Variants in DLGAP1 observed in about 807,000 individuals in gnomAD.
The protein encoded by DLGAP1 is disks large-associated protein 1.
In DLGAP1, 11 loss-of-function variants were observed where a neutral mutation model predicts 90.8. The ratio of observed to expected loss-of-function variants is 0.12; its 90% confidence interval spans 0.08 to 0.20. The LOEUF (loss-of-function observed/expected upper bound fraction) is 0.20. Among genes scored for constraint, DLGAP1 ranks in the 10% least tolerant of loss-of-function variants. DLGAP1 has a pLI of 1.00. For missense variants in DLGAP1, 1,050 were observed against 1,333.8 expected, an observed-to-expected ratio of 0.79 and a Z score of 3.31; for synonymous variants, 558 against 540.7, an observed-to-expected ratio of 1.03 and a Z score of -0.44.
intron 2 of DLGAP1, among the ~76,000 whole-genome samples, chr18:4,092,663 C>G (rs1353576148): frequency 6.6e-6 from 1 of 152,096 alleles, no homozygotes; most frequent in African/African-American, 2.4e-5. Context: ...CGGCTTAAGG[C>G]TTTTGTTCCA....
intron 3 of DLGAP1, among the ~76,000 whole-genome samples, chr18:3,945,485 C>T (rs991232759): frequency 2.6e-5 from 4 of 151,934 alleles, no homozygotes; most frequent in African/African-American, 9.7e-5. Flanking sequence ...TTGAGTGGTA[C>T]GATTGGTTCT....
intron 1 of DLGAP1, among the ~76,000 whole-genome samples, chr18:4,429,019 T>C (rs1232313594): frequency 6.6e-6 from 1 of 152,194 alleles, no homozygotes; most frequent in Admixed American, 6.5e-5. Context: ...AGGGCATTTG[T>C]CAACCAAGGA....
Position 4,131,198 on chromosome 18 carries a change from G to A in DLGAP1, c.-159+19982C>T, listed in dbSNP as rs547857051. Among the ~76,000 whole-genome samples, 5 of 150,034 alleles carry A rather than the reference G, an allele frequency of 3.3e-5. No homozygotes were observed. In the East Asian group the frequency reaches 5.8e-4, roughly 18 times the overall value. ...TGAGCTTCAGGAAAAAAACGTGGGCGTGTGTGTGTGTGTGCGTGCAAGCAC... is the reference window on the plus strand; with the variant it reads ...TGAGCTTCAGGAAAAAAACGTGGGCATGTGTGTGTGTGTGCGTGCAAGCAC... On this transcript the variant is annotated intron_variant, in intron 2 of 12. Transcript: ENST00000315677.
chr18:3,952,570 TG>T (rs2148967490), intron 3 of DLGAP1, among the ~76,000 whole-genome samples: 1 of 152,324 alleles, frequency 6.6e-6, no homozygotes, highest in African/African-American at 2.4e-5. Context: ...AGCCTAGTGT[TG>T]CTATTGAGCC....
chr18:3,650,301 C>A (rs2059250979), intron 7 of DLGAP1, among the ~76,000 whole-genome samples: 1 of 152,112 alleles, frequency 6.6e-6, no homozygotes, highest in African/African-American at 2.4e-5. Flanking sequence ...GCTTCAGCCT[C>A]CCAAAGTGCT....
At chr18:4,004,548 A>G (rs531655292) in intron 3 of DLGAP1, among the ~76,000 whole-genome samples, 1 of 152,292 alleles carries the variant, frequency 6.6e-6, no homozygotes, top group South Asian at 2.1e-4. Context: ...TTCACTGATC[A>G]ATAATGTGAA....
intron 10 of DLGAP1, among the ~76,000 whole-genome samples, chr18:3,514,169 C>T (rs556732739): frequency 3.5e-4 from 53 of 150,866 alleles, no homozygotes; most frequent in Non-Finnish European, 6.5e-4. Context: ...TGCAGTGGCA[C>T]GATCTCGGCT....
chr18:3,858,640 T>C (rs2069828936), intron 4 of DLGAP1, among the ~76,000 whole-genome samples: 2 of 151,970 alleles, frequency 1.3e-5, no homozygotes, highest in African/African-American at 4.8e-5. Context: ...CATGAATAAT[T>C]GGTGTTTTAC....
At chr18:4,205,172 G>A (rs1358490239) in intron 1 of DLGAP1, among the ~76,000 whole-genome samples, 4 of 152,144 alleles carry the variant, frequency 2.6e-5, no homozygotes, top group Non-Finnish European at 5.9e-5. Flanking sequence ...AGTCACATGT[G>A]AACATGGCCT....
At chr18:3,562,643 C>T (rs890228534) in intron 9 of DLGAP1, among the ~76,000 whole-genome samples, 6 of 144,984 alleles carry the variant, frequency 4.1e-5, no homozygotes, top group Non-Finnish European at 7.5e-5. Flanking sequence ...CTCCTGGGTT[C>T]AAGTGATTTT....
At chr18:4,305,359 A>C (rs2080224747) in intron 1 of DLGAP1, among the ~76,000 whole-genome samples, 1 of 152,006 alleles carries the variant, frequency 6.6e-6, no homozygotes, top group Non-Finnish European at 1.5e-5. Flanking sequence ...ACGTGGTGAA[A>C]CCCTGTCTCT....
intron 3 of DLGAP1, among the ~76,000 whole-genome samples, chr18:4,003,360 G>A (rs2074236392): frequency 6.6e-6 from 1 of 151,564 alleles, no homozygotes. Context: ...TAGGAGAAAA[G>A]AGAGAAAAGA....
chr18:3,521,481 C>A (rs2051185537), intron 10 of DLGAP1, among the ~76,000 whole-genome samples: 1 of 152,156 alleles, frequency 6.6e-6, no homozygotes, highest in Non-Finnish European at 1.5e-5. Flanking sequence ...GTCTTTCTCT[C>A]CTGAGTGTCT....
At chr18:4,412,447 G>C (rs1373589316) in intron 1 of DLGAP1, among the ~76,000 whole-genome samples, 4 of 152,172 alleles carry the variant, frequency 2.6e-5, no homozygotes, top group Non-Finnish European at 5.9e-5. Flanking sequence ...AACTAGGTCA[G>C]GTAACAACAT....
At position 3,713,786 on chromosome 18, in the gene DLGAP1, G is replaced by T. The variant is rs192254410; in HGVS notation, c.1591+15349C>A. Among the ~76,000 whole-genome samples the T allele has an allele frequency of 7.2e-4, 109 of 152,290 alleles. 1 individual carries two copies. Among genetic ancestry groups the T allele is most frequent in the Admixed American group, 6.9e-3 (106 of 15,292 alleles). The stretch of plus-strand genomic sequence containing the variant: ...CACAGAGCACTCAGGAGAGCCTGGC[G>T]CACTGCAGATGTTCAGTGGGTGTCC... On this transcript the variant is annotated intron_variant, in intron 7 of 12. Transcript: ENST00000315677.
At chr18:3,596,743 A>AC in intron 7 of DLGAP1, 1 of 469,614 alleles carries the variant, frequency 2.1e-6, no homozygotes, top group South Asian at 1.5e-5. Context: ...TCCTGGAGAA[A>AC]CAAAAGGACT....
intron 4 of DLGAP1, among the ~76,000 whole-genome samples, chr18:3,824,113 T>G (rs775380310): frequency 6.6e-6 from 1 of 152,124 alleles, no homozygotes; most frequent in Non-Finnish European, 1.5e-5. Context: ...GGCTTGGAAT[T>G]GTTAGTTGAG....
At chr18:4,406,264 G>A (rs1345525210) in intron 1 of DLGAP1, among the ~76,000 whole-genome samples, 1 of 152,188 alleles carries the variant, frequency 6.6e-6, no homozygotes, top group Non-Finnish European at 1.5e-5. Context: ...TTTCATCTGT[G>A]ATGCAGAAAG....
chr18:3,821,557 T>C (rs1052181738), intron 4 of DLGAP1, among the ~76,000 whole-genome samples: 2 of 152,208 alleles, frequency 1.3e-5, no homozygotes, highest in Admixed American at 1.3e-4. Context: ...TTTCTAGCAC[T>C]GCTAAAAGAG....
Sources: gnomAD v4.1 joint callset for allele counts (sites outside exome capture counted in the v4.1 genomes callset) on GRCh38, gnomAD v4.1.1 for gene constraint, MANE v1.5 for transcripts, NCBI Gene and HGNC (gene_info 2026-07-23, HGNC 2026-07-21) for gene names.